Variants in IL17RA observed in about 807,000 individuals in gnomAD.
IL17RA encodes interleukin-17 receptor A.
A neutral mutation model predicts 50.4 loss-of-function variants in IL17RA; 34 were observed. That is an observed-to-expected ratio of 0.67 (90% CI 0.51 to 0.90). IL17RA has a LOEUF of 0.90. IL17RA is among the 40% of genes least tolerant of loss of function. IL17RA has a pLI of 0.00. For synonymous variants in IL17RA, 585 were observed against 510.4 expected (o/e 1.15, Z -1.97); for missense variants, 1,276 against 1,169.8 (o/e 1.09, Z -1.32).
intron 4 of IL17RA, among the ~76,000 whole-genome samples, chr22:17,100,125 A>G (rs114417527): frequency 0.011 from 1,592 of 139,042 alleles, 27 homozygotes; most frequent in African/African-American, 0.04. Context: ...TCTACTGATG[A>G]GGCCAGATCC....
chr22:17,109,412 CA>C lies in IL17RA; in HGVS notation c.2194del (p.Thr732ProfsTer13), dbSNP rs2061430300. 1.2e-6 allele frequency: 2 copies of C among 1,613,258 alleles called. No individual in the cohort carries two copies. The highest frequency in any genetic ancestry group is 1.7e-6 in the Non-Finnish European group (2 of 1,179,964). The part of the protein sequence containing the change: ...DPEDSPLGSS[T>X]PMASPDLLPE... ...CCGAGGACTCGCCCCTTGGCAGCAG[CA>C]CCCCCATGGCGTCTCCTGACCTCCT... On this transcript the variant is annotated frameshift_variant, in exon 13 of 13. Coordinates refer to ENST00000319363, the MANE Select transcript of IL17RA (RefSeq NM_014339.7). LOFTEE classifies it low-confidence loss of function (END_TRUNC).
chr22:17,085,031 CAG>C lies in IL17RA; in HGVS notation c.-59_-58del. ...AACTCCACCGCGGAAAAGAAAGCCT[CAG>C]AACGTTCGTTCGCTGCGTCCCCAGC... On this transcript the variant is annotated 5_prime_UTR_variant, in exon 1 of 13. Coordinates refer to ENST00000319363, the MANE Select transcript of IL17RA (RefSeq NM_014339.7). 1 of 1,296,686 alleles carries C rather than the reference CAG, an allele frequency of 7.7e-7. No individual in the cohort carries two copies. The highest frequency in any genetic ancestry group is 9.8e-7 in the Non-Finnish European group (1 of 1,022,252). The allele number at this position is 1,296,686 out of a possible 1,614,324, so 80.3% of individuals were successfully genotyped here. A position where few individuals can be genotyped will look rare whatever the true frequency, so the allele number is the denominator to read the frequency against.
chr22:17,092,742 TA>T (rs1461532548), intron 1 of IL17RA, among the ~76,000 whole-genome samples: 3 of 152,292 alleles, frequency 2.0e-5, no homozygotes, highest in African/African-American at 7.2e-5. Flanking sequence ...TTTCCTTTTT[TA>T]AAAAATAACT....
In IL17RA at chr22:17,097,921, C is replaced by T; in HGVS notation, c.288C>T (p.Ile96=). 2.5e-6 allele frequency: 4 copies of T among 1,614,110 alleles called. No individual in the cohort carries two copies. The highest frequency in any genetic ancestry group is 1.1e-5 in the South Asian group (1 of 91,084). ...QQGDLFPVAH[I]EWTLQTDASI... ...GAGACCTGTTCCCCGTGGCTCACAT[C>T]GAATGGACACTGCAGACAGACGGTG... The change falls in exon 3 of 13, where the codon ATC becomes ATT. Residue 96 remains isoleucine, a synonymous_variant. Transcript: ENST00000319363.
chr22:17,108,822 C>G lies in IL17RA; in HGVS notation c.1603C>G (p.Arg535Gly), dbSNP rs1427785922. 2 of 1,607,070 alleles carry G rather than the reference C, an allele frequency of 1.2e-6. No individual in the cohort carries two copies. The highest frequency in any genetic ancestry group is 1.7e-6 in the Non-Finnish European group (2 of 1,176,942). The change falls in exon 13 of 13, where the codon CGC becomes GGC. Residue 535 changes from arginine (R) to glycine (G), a missense_variant. Coordinates refer to ENST00000319363, the MANE Select transcript of IL17RA (RefSeq NM_014339.7). ...GGACAGGTTCGAGGAGGTGTACTTC[C>G]GCATCCAGGACCTGGAGATGTTCCA... ...LMDRFEEVYF[R>G]IQDLEMFQPG...
In IL17RA at chr22:17,114,746, T is replaced by A. The variant is rs1224012938; in HGVS notation, c.*4926T>A. 1 of 152,210 alleles carries A rather than the reference T, an allele frequency of 6.6e-6. No individual in the cohort carries two copies. Among genetic ancestry groups the A allele is most frequent in the Non-Finnish European group, 1.5e-5 (1 of 68,062 alleles). The allele number at this position is 152,210 out of a possible 1,614,324, so 9.4% of individuals were successfully genotyped here. ...TTTTGCTAGAATGGCTGAGCTTTCA[T>A]GGAAAGGAAGCTGGACCCAAGCAAC... On this transcript the variant is annotated 3_prime_UTR_variant, in exon 13 of 13. Transcript: ENST00000319363.
At chr22:17,101,515 T>C (rs1320009662) in intron 5 of IL17RA, among the ~76,000 whole-genome samples, 1 of 152,232 alleles carries the variant, frequency 6.6e-6, no homozygotes, top group Non-Finnish European at 1.5e-5. Flanking sequence ...TTTACCACTG[T>C]ACCTCCAGTG....
intron 5 of IL17RA, among the ~76,000 whole-genome samples, chr22:17,101,383 T>C (rs2061390779): frequency 6.6e-6 from 1 of 152,224 alleles, no homozygotes; most frequent in Non-Finnish European, 1.5e-5. Flanking sequence ...ACTCTGTGCT[T>C]ACCCTGCTTT....
chr22:17,109,081 C>T lies in IL17RA; in HGVS notation c.1862C>T (p.Ala621Val), dbSNP rs200201810. 1.3e-6 allele frequency: 2 copies of T among 1,575,588 alleles called. No homozygotes were observed. The highest frequency in any genetic ancestry group is 1.7e-6 in the Non-Finnish European group (2 of 1,169,472). Residue 621 changes from alanine (A) to valine (V), a missense_variant, in exon 13 of 13, where the codon GCG becomes GTG. Coordinates refer to ENST00000319363, the MANE Select transcript of IL17RA (RefSeq NM_014339.7). ...LPPGTGIVKR[A>V]PLVREPGSQA... ...CCGGGAACCGGCATCGTGAAGCGGG[C>T]GCCCCTGGTGCGCGAGCCTGGCTCC...
chr22:17,105,788 C>T (rs2061412287), intron 10 of IL17RA, 65 bp from the exon 11 acceptor site: 1 of 1,474,636 alleles, frequency 6.8e-7, no homozygotes, highest in Non-Finnish European at 9.5e-7. Context: ...GGGAGCAGGG[C>T]TGGGGGCCTC....
chr22:17,085,254 AG>A (rs1327392577), intron 1 of IL17RA, 25 bp downstream of exon 1: 9 of 1,536,912 alleles, frequency 5.9e-6, no homozygotes, highest in Non-Finnish European at 7.9e-6. Context: ...GGGGAGCGGT[AG>A]CCGCCAGGAT....
Position 17,100,355 on chromosome 22 carries a change from T to TGGCGTTTTACCTTCAGC in IL17RA, c.425_441dup (p.His148GlyfsTer18). The stretch of plus-strand genomic sequence containing the variant: ...CCTTCCCTTCCTCCCTTCTCTTCAG[T>TGGCGTTTTACCTTCAGC]GGCGTTTTACCTTCAGCCACTTTGT... On this transcript the variant is annotated frameshift_variant and splice_region_variant, in exon 5 of 13. Transcript: ENST00000319363. LOFTEE classifies it high-confidence loss of function. 3 of 1,614,150 alleles carry TGGCGTTTTACCTTCAGC rather than the reference T, an allele frequency of 1.9e-6. No individual in the cohort carries two copies. Among genetic ancestry groups the TGGCGTTTTACCTTCAGC allele is most frequent in the Non-Finnish European group, 2.5e-6 (3 of 1,180,020 alleles).
intron 1 of IL17RA, among the ~76,000 whole-genome samples, chr22:17,089,364 A>G (rs1568915557): frequency 6.6e-6 from 1 of 152,158 alleles, no homozygotes; most frequent in Non-Finnish European, 1.5e-5. Flanking sequence ...CATCAGTACA[A>G]TTGGGATAAG....
At chr22:17,099,999 T>C (rs2061383976) in intron 4 of IL17RA, among the ~76,000 whole-genome samples, 1 of 152,158 alleles carries the variant, frequency 6.6e-6, no homozygotes, top group Non-Finnish European at 1.5e-5. Context: ...CAGATCTCCA[T>C]AGCCCCAAGT....
chr22:17,099,160 G>A (rs749254395), intron 4 of IL17RA, among the ~76,000 whole-genome samples: 59 of 152,152 alleles, frequency 3.9e-4, no homozygotes, highest in Non-Finnish European at 7.6e-4. Flanking sequence ...CTATTCGTTC[G>A]GAAAGGAAGT....
intron 2 of IL17RA, 118 bp from the exon 3 acceptor site, chr22:17,097,679 C>G (rs1385656324): frequency 1.6e-6 from 2 of 1,266,374 alleles, no homozygotes; most frequent in Middle Eastern, 1.9e-4. Context: ...CCAAGGGCCA[C>G]AGGCTGGAAG....
chr22:17,088,995 C>T (rs1406604747), intron 1 of IL17RA, among the ~76,000 whole-genome samples: 1 of 152,030 alleles, frequency 6.6e-6, no homozygotes, highest in African/African-American at 2.4e-5. Flanking sequence ...GGGGTTTCAC[C>T]ATGTTGGCCA....
Position 17,114,875 on chromosome 22 carries a change from C to T in IL17RA, c.*5055C>T, listed in dbSNP as rs1455152244. On this transcript the variant is annotated 3_prime_UTR_variant, in exon 13 of 13. Transcript: ENST00000319363. ...TGACTGCAATGTGGCATTGTGCCAG[C>T]TACCTCCTCTTTCTCGGCCTCAGGA... The T allele has an allele frequency of 6.6e-6, 1 of 152,270 alleles. No individual in the cohort carries two copies. The highest frequency in any genetic ancestry group is 1.5e-5 in the Non-Finnish European group (1 of 68,068). 9.4% of individuals were successfully genotyped at this position (152,270 alleles called of 1,614,324 possible).
At chr22:17,101,018 G>A (rs1289582914) in intron 5 of IL17RA, among the ~76,000 whole-genome samples, 1 of 152,042 alleles carries the variant, frequency 6.6e-6, no homozygotes, top group Non-Finnish European at 1.5e-5. Flanking sequence ...CTACTTCTCT[G>A]TCCTCCCCAG....
Sources: gnomAD v4.1 joint callset for allele counts (sites outside exome capture counted in the v4.1 genomes callset) on GRCh38, gnomAD v4.1.1 for gene constraint, MANE v1.5 for transcripts, NCBI Gene and HGNC (gene_info 2026-07-23, HGNC 2026-07-21) for gene names.